MCCC2: variants seen among roughly 807,000 people sequenced by gnomAD.
MCCC2 encodes the protein methylcrotonyl-CoA carboxylase subunit 2, also known as methylcrotonoyl-CoA carboxylase beta chain, mitochondrial.
A neutral mutation model predicts 77.2 loss-of-function variants in MCCC2; 52 were observed. The observed-to-expected ratio is 0.67, with a 90% CI of 0.54 to 0.85. The LOEUF (loss-of-function observed/expected upper bound fraction) is 0.85, where lower values mean the gene tolerates loss of function less well. Among genes scored for constraint, MCCC2 ranks in the 40% least tolerant of loss-of-function variants. MCCC2 has a pLI of 0.00. For missense variants in MCCC2, 682 were observed against 703.2 expected (o/e 0.97, Z 0.34); for synonymous variants, 253 against 248.4 (o/e 1.02, Z -0.18).
At chr5:71,596,209 T>C in intron 2 of MCCC2, 71 bp from the exon 3 acceptor site, 1 of 1,297,736 alleles carries the variant, frequency 7.7e-7, no homozygotes, top group Non-Finnish European at 1.1e-6. Context: ...GGATTAAGTA[T>C]TATGTTTTTC....
rs773280210 is a variant in MCCC2, at chr5:71,632,102, A to T, written c.739-19A>T. The T allele has an allele frequency of 6.2e-7, 1 of 1,613,286 alleles. No homozygotes were observed. Among genetic ancestry groups the T allele is most frequent in the African/African-American group, 1.3e-5 (1 of 74,910 alleles). ...GTCTGATGGACCGATTTCACTGATG[A>T]TTTTTATCCTTGTTGTAGGTTAAAG... On this transcript the variant is annotated intron_variant, in intron 7 of 16. Coordinates refer to ENST00000340941, the MANE Select transcript of MCCC2 (RefSeq NM_022132.5).
chr5:71,622,038 T>C (rs1746366890), intron 6 of MCCC2, among the ~76,000 whole-genome samples: 1 of 152,096 alleles, frequency 6.6e-6, no homozygotes, highest in Admixed American at 6.5e-5. Context: ...TCCCAGCACT[T>C]TGGGAGGTCA....
chr5:71,637,959 G>T (rs548664219), intron 10 of MCCC2, among the ~76,000 whole-genome samples: 1 of 151,970 alleles, frequency 6.6e-6, no homozygotes, highest in East Asian at 1.9e-4. Context: ...TGATCTGCCC[G>T]CCTCGGCCTC....
intron 4 of MCCC2, among the ~76,000 whole-genome samples, chr5:71,600,429 T>C (rs146064813): frequency 1.3e-5 from 2 of 151,892 alleles, no homozygotes; most frequent in African/African-American, 2.4e-5. Flanking sequence ...CACATCATTA[T>C]AATTTTTTTT....
rs570260090 is a variant in MCCC2, at chr5:71,614,886, G to C, written c.624+10418G>C. On this transcript the variant is annotated intron_variant, in intron 6 of 16. Coordinates refer to ENST00000340941, the MANE Select transcript of MCCC2 (RefSeq NM_022132.5). ...CTTTTCTTTAAAGGAAACAAAAAAAGAACACTAAAATGATGCCAAAAGATA... is the reference window on the plus strand; with the variant it reads ...CTTTTCTTTAAAGGAAACAAAAAAACAACACTAAAATGATGCCAAAAGATA... Among the ~76,000 whole-genome samples, 5 of 152,278 alleles carry C rather than the reference G, an allele frequency of 3.3e-5. No homozygotes were observed. In the South Asian group the frequency reaches 1.0e-3, roughly 32 times the overall value.
At chr5:71,613,663 G>C (rs1429598047) in intron 6 of MCCC2, among the ~76,000 whole-genome samples, 1 of 152,060 alleles carries the variant, frequency 6.6e-6, no homozygotes, top group South Asian at 2.1e-4. Flanking sequence ...TTGAGCCCAG[G>C]AGGTTGAAGC....
intron 6 of MCCC2, among the ~76,000 whole-genome samples, chr5:71,609,619 G>A (rs936912247): frequency 4.0e-5 from 6 of 150,894 alleles, no homozygotes; most frequent in Non-Finnish European, 7.4e-5. Flanking sequence ...GAGGAACTGC[G>A]TTCCTTTGGA....
rs13354471 is a variant in MCCC2 at position 71,598,417 on chromosome 5, A to G, written c.282-1242A>G. ...TTAGAAGAGAGCCTGGTATTTGGAA[A>G]GGATTTTTATTTTAATTAATTAATT... is the stretch of plus-strand genomic sequence containing the variant. On this transcript the variant is annotated intron_variant, in intron 3 of 16. Coordinates refer to ENST00000340941, the MANE Select transcript of MCCC2 (RefSeq NM_022132.5). Among the ~76,000 whole-genome samples the G allele has an allele frequency of 3.8e-3, 572 of 151,596 alleles. 3 individuals carry two copies. The highest frequency in any genetic ancestry group is 6.1e-3 in the Non-Finnish European group (411 of 67,902).
chr5:71,638,848 A>C (rs183869696), intron 10 of MCCC2, among the ~76,000 whole-genome samples: 74 of 152,274 alleles, frequency 4.9e-4, no homozygotes, highest in African/African-American at 1.7e-3. Flanking sequence ...AAATAATAAG[A>C]CTTAAAAGTA....
intron 8 of MCCC2, among the ~76,000 whole-genome samples, chr5:71,633,108 TATATATATATATA>T (rs1746783334): frequency 9.0e-5 from 2 of 22,246 alleles, no homozygotes; most frequent in African/African-American, 2.4e-4. Context: ...TATATATATA[TATATATATATATA>T]TATATATATA....
At chr5:71,599,049 C>T (rs1745317319) in intron 3 of MCCC2, among the ~76,000 whole-genome samples, 1 of 152,004 alleles carries the variant, frequency 6.6e-6, no homozygotes, top group Non-Finnish European at 1.5e-5. Context: ...ATGAGCCACC[C>T]CACCTACCTC....
rs182308579 is a variant in MCCC2, at chr5:71,618,965, G to C, written c.625-7675G>C. 2.3e-4 allele frequency among the ~76,000 whole-genome samples: 35 copies of C among 152,240 alleles called. 1 individual carries two copies. In the East Asian group the frequency reaches 6.2e-3, roughly 27 times the overall value. On this transcript the variant is annotated intron_variant, in intron 6 of 16. Transcript: ENST00000340941. The stretch of plus-strand genomic sequence containing the variant: ...TAAGCAACAAGGTTTTTGTTTGAAT[G>C]AACAGTTTGTTTCTTCTGAAATAGG...
intron 13 of MCCC2, among the ~76,000 whole-genome samples, 183 bp from the exon 14 acceptor site, chr5:71,648,914 G>T (rs1203777472): frequency 6.6e-6 from 1 of 152,208 alleles, no homozygotes; most frequent in Non-Finnish European, 1.5e-5. Context: ...AGTGATTAGA[G>T]AAAATTTTAT....
chr5:71,646,527 A>G (rs1424499738), intron 13 of MCCC2, among the ~76,000 whole-genome samples: 1 of 152,030 alleles, frequency 6.6e-6, no homozygotes, highest in Admixed American at 6.6e-5. Flanking sequence ...ATGCCTGGTT[A>G]ATTTTTGTAT....
chr5:71,596,122 G>T, intron 2 of MCCC2, 158 bp from the exon 3 acceptor site: 1 of 677,386 alleles, frequency 1.5e-6, no homozygotes, highest in Non-Finnish European at 2.6e-6. Flanking sequence ...CAGAAAATTG[G>T]CAACTTGTAA....
chr5:71,636,356 TA>T (rs1158091598), intron 10 of MCCC2: 1 of 164,550 alleles, frequency 6.1e-6, no homozygotes, highest in Non-Finnish European at 1.3e-5. Context: ...GTTTTTAGTT[TA>T]ACTTTTAATT....
chr5:71,600,926 G>C (rs1244921707), intron 4 of MCCC2, among the ~76,000 whole-genome samples: 1 of 152,134 alleles, frequency 6.6e-6, no homozygotes, highest in Non-Finnish European at 1.5e-5. Context: ...TGCAGTGGAA[G>C]GCAAGATCTG....
chr5:71,650,181 C>T lies in MCCC2; in HGVS notation c.1486C>T (p.Gln496Ter). The change falls in exon 15 of 17, where the codon CAG (glutamine) becomes TAG (stop). Residue 496 changes from glutamine to a stop codon, truncating the protein, a stop_gained and splice_region_variant. Coordinates refer to ENST00000340941, the MANE Select transcript of MCCC2 (RefSeq NM_022132.5). LOFTEE classifies it high-confidence loss of function. ...GGACCAAAGAGCCCGGGAAGGAAAG[C>T]AGGTCGGTGTCGTTTTCTCTTGTTT... ...TKDQRAREGK[Q>*]FSSADEAALK... 1 of 1,613,752 alleles carries T rather than the reference C, an allele frequency of 6.2e-7. No individual in the cohort carries two copies. Among genetic ancestry groups the T allele is most frequent in the Non-Finnish European group, 8.5e-7 (1 of 1,179,654 alleles).
chr5:71,622,434 A>G (rs1379858603), intron 6 of MCCC2, among the ~76,000 whole-genome samples: 1 of 152,162 alleles, frequency 6.6e-6, no homozygotes, highest in Admixed American at 6.6e-5. Flanking sequence ...ATTTTTTTAC[A>G]GCTTCGTTGA....
Sources: gnomAD v4.1 joint callset for allele counts (sites outside exome capture counted in the v4.1 genomes callset) on GRCh38, gnomAD v4.1.1 for gene constraint, MANE v1.5 for transcripts, NCBI Gene and HGNC (gene_info 2026-07-23, HGNC 2026-07-21) for gene names.